The following PIEZO2 variants were observed in gnomAD, a reference collection of about 807,000 sequenced individuals.
PIEZO2 encodes piezo-type mechanosensitive ion channel component 2.
Under a neutral mutation model 337.3 loss-of-function variants are expected in PIEZO2, and 172 were observed. The ratio of observed to expected loss-of-function variants is 0.51; its 90% CI spans 0.45 to 0.58. PIEZO2 has a LOEUF of 0.58. PIEZO2 is among the 20% of genes least tolerant of loss of function. The probability of loss-of-function intolerance (pLI) is 0.00; values close to 1 mark genes in which losing one functional copy is unlikely to be tolerated. For synonymous variants in PIEZO2, 1,251 were observed against 1,228.5 expected (o/e 1.02, Z -0.38); for missense variants, 3,028 against 3,391.3 (o/e 0.89, Z 2.66).
At chr18:10,714,636 T>C (rs1441614099) in intron 39 of PIEZO2, 128 bp downstream of exon 39, 2 of 1,028,872 alleles carry the variant, frequency 1.9e-6, no homozygotes, top group African/African-American at 1.6e-5. Context: ...TGGCGACAGC[T>C]GGAAGAGGGT....
At chr18:10,990,819 T>C (rs1218188616) in intron 2 of PIEZO2, among the ~76,000 whole-genome samples, 1 of 151,868 alleles carries the variant, frequency 6.6e-6, no homozygotes, top group Non-Finnish European at 1.5e-5. Context: ...GAATTTCAAA[T>C]GTTGAAACTG....
intron 36 of PIEZO2, among the ~76,000 whole-genome samples, chr18:10,722,345 T>A (rs56002621): frequency 6.6e-6 from 1 of 151,666 alleles, no homozygotes; most frequent in South Asian, 2.1e-4. Flanking sequence ...ATTCTCCTAC[T>A]TAAGCCTCCC....
chr18:10,839,617 A>T (rs1472065387), intron 7 of PIEZO2, among the ~76,000 whole-genome samples: 2 of 152,202 alleles, frequency 1.3e-5, no homozygotes, highest in Non-Finnish European at 2.9e-5. Flanking sequence ...CTGGCTTGGC[A>T]GTAAAGCAGC....
rs1415655522 is a variant in PIEZO2 at position 10,707,643 on chromosome 18, G to A, written c.5588+632C>T. Among the ~76,000 whole-genome samples, 4 of 152,278 alleles carry A rather than the reference G, an allele frequency of 2.6e-5. No individual in the cohort carries two copies. Among genetic ancestry groups the A allele is most frequent in the Non-Finnish European group, 5.9e-5 (4 of 68,024 alleles). On this transcript the variant is annotated intron_variant, in intron 40 of 55. Coordinates refer to ENST00000674853, the MANE Select transcript of PIEZO2 (RefSeq NM_001378183.1). The surrounding 1 kb of genome is among the most constrained non-coding windows in gnomAD (Gnocchi z 4.2). Reference sequence around the variant, plus strand: ...ATAATTTTATTTCTAAATGAATACTGTTTTAGGGTAGGATTTGGGAGAACT... The same window carrying A: ...ATAATTTTATTTCTAAATGAATACTATTTTAGGGTAGGATTTGGGAGAACT...
chr18:10,859,647 T>TTA lies in PIEZO2; in HGVS notation c.493-2438_493-2437dup, dbSNP rs1158655458. ...CATCCTTTCAACCCACGTTTGTCTC[T>TTA]TAAGGTGAAACACTCCAGCAGAGTG... On this transcript the variant is annotated intron_variant, in intron 5 of 55. Transcript: ENST00000674853. The surrounding 1 kb of genome is among the most constrained non-coding windows in gnomAD (Gnocchi z 4.9). 6.6e-6 allele frequency among the ~76,000 whole-genome samples: 1 copy of TTA among 152,254 alleles called. No homozygotes were observed. Among genetic ancestry groups the TTA allele is most frequent in the Non-Finnish European group, 1.5e-5 (1 of 68,048 alleles).
rs377190612 is a variant in PIEZO2, at chr18:11,116,648, G to A, written c.64+31877C>T. Among the ~76,000 whole-genome samples the A allele has an allele frequency of 6.6e-6, 1 of 151,838 alleles. No homozygotes were observed. The highest frequency in any genetic ancestry group is 1.5e-5 in the Non-Finnish European group (1 of 67,978). ...GGAGAATGGCGTGAACCCGGGAGGC[G>A]TAGCTTGCAGTGAGCCGAGATCCGC... is the stretch of plus-strand genomic sequence containing the variant. On this transcript the variant is annotated intron_variant, in intron 1 of 55. Coordinates refer to ENST00000674853, the MANE Select transcript of PIEZO2 (RefSeq NM_001378183.1). This position sits in a 1 kb window ranked among gnomAD's most constrained non-coding sequence, Gnocchi z 5.0.
In PIEZO2 at chr18:10,721,579, GA is replaced by G. The variant is rs139154922; in HGVS notation, c.5030-3321del. Among the ~76,000 whole-genome samples the G allele has an allele frequency of 6.0e-5, 9 of 149,270 alleles. No homozygotes were observed. The Middle Eastern group carries it at 0.014, about 226-fold the overall frequency. The stretch of plus-strand genomic sequence containing the variant: ...GTCTGAGAACAGCAAACACAATTCT[GA>G]AAAAAAAAGGTAGTGAGAGGAGTTT... On this transcript the variant is annotated intron_variant, in intron 36 of 55. Coordinates refer to ENST00000674853, the MANE Select transcript of PIEZO2 (RefSeq NM_001378183.1).
chr18:10,806,349 C>T (rs764452652), intron 8 of PIEZO2, among the ~76,000 whole-genome samples: 95 of 152,210 alleles, frequency 6.2e-4, no homozygotes, highest in Non-Finnish European at 1.2e-3. Context: ...GGGCTCCTGA[C>T]AGTCATTTAG....
rs570142077 is a variant in PIEZO2 at position 10,988,315 on chromosome 18, A to G, written c.161-8655T>C. Among the ~76,000 whole-genome samples, 37 of 152,298 alleles carry G rather than the reference A, an allele frequency of 2.4e-4. No homozygotes were observed. Among genetic ancestry groups the G allele is most frequent in the Non-Finnish European group, 3.5e-4 (24 of 68,012 alleles). ...TTTGGACTTCCCACCCTCTGGAACT[A>G]TGAGTAATAAATTTCTATTCTTTAT... On this transcript the variant is annotated intron_variant, in intron 2 of 55. Coordinates refer to ENST00000674853, the MANE Select transcript of PIEZO2 (RefSeq NM_001378183.1). The surrounding 1 kb of genome is among the most constrained non-coding windows in gnomAD (Gnocchi z 4.8).
chr18:10,751,039 C>T (rs1264883395), intron 28 of PIEZO2, among the ~76,000 whole-genome samples: 1 of 152,180 alleles, frequency 6.6e-6, no homozygotes, highest in Admixed American at 6.5e-5. Flanking sequence ...AATGGCATCA[C>T]CTCCAGGAAG....
intron 4 of PIEZO2, among the ~76,000 whole-genome samples, chr18:10,902,696 G>A (rs990856202): frequency 6.6e-6 from 1 of 152,114 alleles, no homozygotes; most frequent in Non-Finnish European, 1.5e-5. Context: ...TGGAATCCAG[G>A]TTGTTTCGTT....
At chr18:10,869,439 G>T (rs567371358) in intron 5 of PIEZO2, among the ~76,000 whole-genome samples, 1 of 152,006 alleles carries the variant, frequency 6.6e-6, no homozygotes, top group Non-Finnish European at 1.5e-5. Context: ...CACTTTCTGC[G>T]CATGAATCCC....
intron 2 of PIEZO2, among the ~76,000 whole-genome samples, chr18:11,051,738 A>T (rs569294457): frequency 1.3e-5 from 2 of 152,338 alleles, no homozygotes; most frequent in East Asian, 3.9e-4. Context: ...AGAACGATCA[A>T]TTATTGTGAG....
At chr18:10,966,196 A>T (rs1240951514) in intron 3 of PIEZO2, among the ~76,000 whole-genome samples, 1 of 152,188 alleles carries the variant, frequency 6.6e-6, no homozygotes, top group Admixed American at 6.5e-5. Context: ...CCAGCTCCTC[A>T]AGCCAGAAAT....
intron 42 of PIEZO2, among the ~76,000 whole-genome samples, chr18:10,703,593 C>T (rs186993202): frequency 1.3e-5 from 2 of 152,268 alleles, no homozygotes; most frequent in Non-Finnish European, 2.9e-5. Context: ...ACAACTTTTC[C>T]TTACAAGTCA....
chr18:10,846,064 T>C lies in PIEZO2; in HGVS notation c.917+9289A>G, dbSNP rs985682012. 6.6e-6 allele frequency among the ~76,000 whole-genome samples: 1 copy of C among 152,204 alleles called. No homozygotes were observed. The highest frequency in any genetic ancestry group is 2.4e-5 in the African/African-American group (1 of 41,454). ...TGGAAAATAATTTCCCCACACATCTTATAGCCAGTGGCCACATCTGAAGCT... is the reference window on the plus strand; with the variant it reads ...TGGAAAATAATTTCCCCACACATCTCATAGCCAGTGGCCACATCTGAAGCT... On this transcript the variant is annotated intron_variant, in intron 7 of 55. Transcript: ENST00000674853. This position sits in a 1 kb window ranked among gnomAD's most constrained non-coding sequence, Gnocchi z 4.1.
At chr18:11,013,793 A>G (rs1052143827) in intron 2 of PIEZO2, among the ~76,000 whole-genome samples, 4 of 152,178 alleles carry the variant, frequency 2.6e-5, no homozygotes, top group Non-Finnish European at 4.4e-5. Context: ...TGGGAAACTC[A>G]AACACCAGGA....
chr18:11,061,378 T>C (rs1281746381), intron 2 of PIEZO2, among the ~76,000 whole-genome samples: 1 of 150,316 alleles, frequency 6.7e-6, no homozygotes, highest in African/African-American at 2.4e-5. Flanking sequence ...CCACTCCTAT[T>C]CAACATAGTG....
chr18:11,093,576 C>CTTTT (rs67441841), intron 1 of PIEZO2, among the ~76,000 whole-genome samples: 18 of 56,658 alleles, frequency 3.2e-4, no homozygotes, highest in African/African-American at 7.2e-4. Flanking sequence ...CACTCAACAT[C>CTTTT]TTTTTTTTTT....
Sources: gnomAD v4.1 joint callset for allele counts (sites outside exome capture counted in the v4.1 genomes callset) on GRCh38, gnomAD v4.1.1 for gene constraint, Gnocchi (gnomAD v3.1) non-coding constraint, MANE v1.5 for transcripts, NCBI Gene and HGNC (gene_info 2026-07-23, HGNC 2026-07-21) for gene names.